Variants in TFDP2 observed in about 807,000 individuals in gnomAD.
TFDP2 encodes transcription factor Dp-2 (E2F dimerization partner 2).
A neutral mutation model predicts 59.3 loss-of-function variants in TFDP2; 17 were observed. That is an observed-to-expected ratio of 0.29 (90% CI 0.20 to 0.43). The LOEUF (loss-of-function observed/expected upper bound fraction) is 0.43. Among genes scored for constraint, TFDP2 ranks in the 20% least tolerant of loss-of-function variants. TFDP2 has a pLI of 1.00. For missense variants in TFDP2, 391 were observed against 528.8 expected, an observed-to-expected ratio of 0.74 and a Z score of 2.56; for synonymous variants, 180 against 194.7, an observed-to-expected ratio of 0.92 and a Z score of 0.63.
chr3:142,076,404 A>G (rs1368099254), intron 3 of TFDP2, among the ~76,000 whole-genome samples: 1 of 152,116 alleles, frequency 6.6e-6, no homozygotes, highest in Non-Finnish European at 1.5e-5. Flanking sequence ...ACAATGGGGG[A>G]ATGGATAGGT....
In TFDP2 at chr3:142,104,254, T is replaced by C. The variant is rs116553479; in HGVS notation, c.-92-2413A>G. On this transcript the variant is annotated intron_variant, in intron 1 of 12. Transcript: ENST00000489671. ...ATTTCTTACGTCCTCTCTAGTGATA[T>C]AAATTTAAATGTAAGATAAATAATA... Among the ~76,000 whole-genome samples, 582 of 152,336 alleles carry C rather than the reference T, an allele frequency of 3.8e-3. 3 individuals are homozygous for C. Among genetic ancestry groups the C allele is most frequent in the African/African-American group, 0.013 (549 of 41,580 alleles).
At chr3:142,046,624 A>G (rs1947357006) in intron 3 of TFDP2, among the ~76,000 whole-genome samples, 2 of 152,182 alleles carry the variant, frequency 1.3e-5, no homozygotes, top group Admixed American at 6.5e-5. Context: ...TCTGGTTGGT[A>G]AAGATCCTAC....
intron 1 of TFDP2, among the ~76,000 whole-genome samples, chr3:142,125,034 G>GA (rs201061658): frequency 0.024 from 3,647 of 149,520 alleles, 159 homozygotes; most frequent in African/African-American, 0.083. Context: ...CATCTTTACC[G>GA]AAAAAAAAAA....
intron 3 of TFDP2, among the ~76,000 whole-genome samples, chr3:142,058,743 C>T (rs1486133027): frequency 1.3e-5 from 2 of 152,124 alleles, no homozygotes; most frequent in African/African-American, 2.4e-5. Context: ...CCTCCAAGCA[C>T]GCCACCCTCC....
At chr3:142,115,735 T>C (rs1246300511) in intron 1 of TFDP2, among the ~76,000 whole-genome samples, 4 of 152,250 alleles carry the variant, frequency 2.6e-5, no homozygotes, top group Non-Finnish European at 5.9e-5. Flanking sequence ...GTTTTTTTCA[T>C]TTAACAATGA....
chr3:142,081,627 T>A (rs993720139), intron 3 of TFDP2, among the ~76,000 whole-genome samples: 6 of 151,884 alleles, frequency 4.0e-5, no homozygotes, highest in African/African-American at 1.5e-4. Flanking sequence ...ATAAATAAAA[T>A]CAGAGACAAA....
intron 1 of TFDP2, among the ~76,000 whole-genome samples, chr3:142,144,685 G>A (rs1299502528): frequency 2.0e-5 from 3 of 151,956 alleles, no homozygotes; most frequent in Admixed American, 2.0e-4. Flanking sequence ...GGGACTATAG[G>A]CACATGCCAC....
intron 4 of TFDP2, among the ~76,000 whole-genome samples, chr3:141,998,235 T>C (rs967243548): frequency 1.3e-5 from 2 of 152,188 alleles, no homozygotes; most frequent in African/African-American, 4.8e-5. Context: ...TCGGTAAGAC[T>C]TGAACAGCCA....
chr3:142,056,795 A>G (rs1476951763), intron 3 of TFDP2, among the ~76,000 whole-genome samples: 1 of 152,128 alleles, frequency 6.6e-6, no homozygotes, highest in African/African-American at 2.4e-5. Context: ...CCATGTATGA[A>G]TATGTGAGCC....
chr3:142,032,536 C>G (rs188660707), intron 3 of TFDP2, among the ~76,000 whole-genome samples: 1 of 152,338 alleles, frequency 6.6e-6, no homozygotes, highest in African/African-American at 2.4e-5. Flanking sequence ...ATTTATACTT[C>G]TAGCCCTGGC....
intron 1 of TFDP2, among the ~76,000 whole-genome samples, chr3:142,120,471 C>G (rs957387599): frequency 6.6e-6 from 1 of 152,160 alleles, no homozygotes; most frequent in African/African-American, 2.4e-5. Flanking sequence ...AGATTCACAT[C>G]AAGGGATGCA....
intron 1 of TFDP2, among the ~76,000 whole-genome samples, chr3:142,130,780 G>A (rs1242699527): frequency 3.3e-5 from 5 of 151,914 alleles, no homozygotes; most frequent in African/African-American, 7.2e-5. Context: ...GGCAGGGCGC[G>A]GTGGCTCATG....
chr3:141,957,436 C>T (rs1441148944), intron 11 of TFDP2, among the ~76,000 whole-genome samples: 1 of 152,118 alleles, frequency 6.6e-6, no homozygotes, highest in Non-Finnish European at 1.5e-5. Flanking sequence ...CACAGAGTTA[C>T]CATATGACCC....
At chr3:142,128,591 C>G (rs547889514) in intron 1 of TFDP2, among the ~76,000 whole-genome samples, 1 of 151,440 alleles carries the variant, frequency 6.6e-6, no homozygotes, top group Admixed American at 6.6e-5. Context: ...AGGAAAATCT[C>G]TAACATGAAA....
Position 142,046,592 on chromosome 3 carries a change from G to A in TFDP2, c.83-41048C>T, listed in dbSNP as rs973677316. On this transcript the variant is annotated intron_variant, in intron 3 of 12. Coordinates refer to ENST00000489671, the MANE Select transcript of TFDP2 (RefSeq NM_001178139.2). The stretch of plus-strand genomic sequence containing the variant: ...ATAGCAGTTGCAACACGGCGTTGGT[G>A]TTGGTGGGAAGCTGCCAAGTTTCTG... 7.6e-3 allele frequency among the ~76,000 whole-genome samples: 33 copies of A among 4,344 alleles called. No individual in the cohort carries two copies. The African/African-American group carries it at 0.096, about 13-fold the overall frequency. The allele number at this position is 4,344 out of a possible 152,430, so 2.8% of individuals were successfully genotyped here.
rs1350441947 is a variant in TFDP2 at position 141,977,121 on chromosome 3, TTTTTTTTCC to T, written c.519+1390_519+1398del. Among the ~76,000 whole-genome samples, 88 of 109,150 alleles carry T rather than the reference TTTTTTTTCC, an allele frequency of 8.1e-4. 1 individual carries two copies. Among genetic ancestry groups the T allele is most frequent in the African/African-American group, 2.6e-3 (77 of 29,548 alleles). 71.6% of individuals were successfully genotyped at this position (109,150 alleles called of 152,430 possible). ...ATATATATATATTTTTTTTTTTTTT[TTTTTTTTCC>T]CCCCAAAGAGACGAAGTCTTGCTTT... On this transcript the variant is annotated intron_variant, in intron 7 of 12. Transcript: ENST00000489671.
At chr3:142,087,612 T>C (rs2060844349) in intron 3 of TFDP2, among the ~76,000 whole-genome samples, 2 of 151,936 alleles carry the variant, frequency 1.3e-5, no homozygotes, top group African/African-American at 4.8e-5. Context: ...GTGATCCTCC[T>C]GCCTCAGCCT....
In TFDP2 at chr3:141,993,523, T is replaced by TA. The variant is rs1247014195; in HGVS notation, c.356+14dup. On this transcript the variant is annotated intron_variant, in intron 6 of 12. Coordinates refer to ENST00000489671, the MANE Select transcript of TFDP2 (RefSeq NM_001178139.2). The stretch of plus-strand genomic sequence containing the variant: ...AGCCAAATCTTCCAAACAAAATAGT[T>TA]AGACTTATACTCACCTTTCTGAAAA... 4.5e-6 allele frequency: 7 copies of TA among 1,545,628 alleles called. No homozygotes were observed. The African/African-American group carries it at 9.7e-5, about 21-fold the overall frequency.
intron 9 of TFDP2, 44 bp from the exon 10 acceptor site, chr3:141,964,007 G>A: frequency 6.4e-7 from 1 of 1,560,068 alleles, no homozygotes. Context: ...GTGCATAAGT[G>A]AGTTGGAATT....
Sources: gnomAD v4.1 joint callset for allele counts (sites outside exome capture counted in the v4.1 genomes callset) on GRCh38, gnomAD v4.1.1 for gene constraint, MANE v1.5 for transcripts, NCBI Gene and HGNC (gene_info 2026-07-23, HGNC 2026-07-21) for gene names.